The following MTERF3 variants were observed in gnomAD, a reference collection of about 807,000 sequenced individuals.
The protein encoded by MTERF3 is mitochondrial transcription termination factor 3, also known as transcription termination factor 3, mitochondrial.
A neutral mutation model predicts 40.5 loss-of-function variants in MTERF3; 40 were observed. That is an observed-to-expected ratio of 0.99 (90% CI 0.77 to 1.29). The LOEUF is 1.29. Ranked by LOEUF, MTERF3 falls within the 50% of genes most tolerant of loss-of-function variation. MTERF3 has a pLI of 0.00. For synonymous variants in MTERF3, 158 were observed against 166.6 expected, an observed-to-expected ratio of 0.95 and a Z score of 0.40; for missense variants, 452 against 478.2, an observed-to-expected ratio of 0.95 and a Z score of 0.51.
At chr8:96,256,915 T>C in intron 3 of MTERF3, 47 bp downstream of exon 3, 11 of 1,523,854 alleles carry the variant, frequency 7.2e-6, no homozygotes, top group Non-Finnish European at 9.7e-6. Context: ...GTAAAAAAAG[T>C]AATGAAGAGT....
chr8:96,250,340 T>C (rs1332926617), intron 4 of MTERF3, among the ~76,000 whole-genome samples: 2 of 145,536 alleles, frequency 1.4e-5, no homozygotes, highest in African/African-American at 2.5e-5. Flanking sequence ...TTTTTTTTTT[T>C]TTTAAGAAAA....
Position 96,258,509 on chromosome 8 carries a change from T to C in MTERF3, c.182A>G (p.Tyr61Cys), listed in dbSNP as rs759713117. ...ACTATTCCATAAGGAGGAAGTCCTGTAAGTCTTAAATCCCCACTGGAGAAA... is the reference window on the plus strand; with the variant it reads ...ACTATTCCATAAGGAGGAAGTCCTGCAAGTCTTAAATCCCCACTGGAGAAA... The part of the protein sequence containing the change: ...NCFLQWGFKT[Y>C]RTSSLWNSSQ... Residue 61 changes from tyrosine to cysteine, a missense_variant, in exon 2 of 8, where the codon TAC (tyrosine) becomes TGC (cysteine). Coordinates refer to ENST00000287025, the MANE Select transcript of MTERF3 (RefSeq NM_015942.5). The C allele has an allele frequency of 6.2e-7, 1 of 1,614,050 alleles. No homozygotes were observed. Among genetic ancestry groups the C allele is most frequent in the East Asian group, 2.2e-5 (1 of 44,884 alleles).
At chr8:96,254,176 G>A (rs1039102447) in intron 3 of MTERF3, among the ~76,000 whole-genome samples, 3 of 152,076 alleles carry the variant, frequency 2.0e-5, no homozygotes, top group African/African-American at 7.2e-5. Flanking sequence ...ATATGTTTAT[G>A]GGATACAACA....
intron 4 of MTERF3, among the ~76,000 whole-genome samples, chr8:96,246,978 ATTCTT>A (rs1331939325): frequency 1.3e-5 from 2 of 151,568 alleles, no homozygotes; most frequent in African/African-American, 4.8e-5. Context: ...CCCCTCTTCT[ATTCTT>A]TTCTTTTCAG....
intron 6 of MTERF3, among the ~76,000 whole-genome samples, chr8:96,244,876 G>T (rs1415245982): frequency 6.6e-6 from 1 of 152,172 alleles, no homozygotes. Flanking sequence ...TTACAAGAGG[G>T]AATGAGTGAC....
chr8:96,246,225 G>A (rs1810018048), intron 5 of MTERF3, 82 bp downstream of exon 5: 1 of 1,292,524 alleles, frequency 7.7e-7, no homozygotes, highest in Non-Finnish European at 1.1e-6. Context: ...ACATGGGCCA[G>A]GCATCTGCTG....
At chr8:96,239,761 AT>A in intron 7 of MTERF3, 76 bp from the exon 8 acceptor site, 8 of 1,092,250 alleles carry the variant, frequency 7.3e-6, no homozygotes, top group Non-Finnish European at 1.1e-5. Context: ...CTTGGCAAAA[AT>A]TTTAATAGGT....
At chr8:96,250,849 T>TATATTTCCTTC in intron 4 of MTERF3, 57 bp downstream of exon 4, 1 of 1,491,042 alleles carries the variant, frequency 6.7e-7, no homozygotes. Flanking sequence ...ACCTTCCACA[T>TATATTTCCTTC]ATATTTCCTT....
chr8:96,259,043 A>T (rs1164275043), intron 1 of MTERF3, among the ~76,000 whole-genome samples: 1 of 152,256 alleles, frequency 6.6e-6, no homozygotes, highest in Non-Finnish European at 1.5e-5. Context: ...CTAATCTGTT[A>T]ATTTAATCAT....
chr8:96,260,998 T>A (rs2129962902), intron 1 of MTERF3, among the ~76,000 whole-genome samples: 1 of 152,350 alleles, frequency 6.6e-6, no homozygotes, highest in South Asian at 2.1e-4. Context: ...GGTGGTAACC[T>A]GAAGTCTTCT....
At chr8:96,255,801 TATCTGAAAAC>T (rs568626591) in intron 3 of MTERF3, among the ~76,000 whole-genome samples, 100 of 152,214 alleles carry the variant, frequency 6.6e-4, no homozygotes, top group Middle Eastern at 3.4e-3. Flanking sequence ...TATCCCCACA[TATCTGAAAAC>T]ATCTGAAAAC....
chr8:96,251,615 G>C (rs914925138), intron 3 of MTERF3, among the ~76,000 whole-genome samples: 1 of 152,154 alleles, frequency 6.6e-6, no homozygotes, highest in Non-Finnish European at 1.5e-5. Context: ...TTAGCACGGA[G>C]ACACGTCCCT....
chr8:96,259,484 G>GT (rs1810341143), intron 1 of MTERF3, among the ~76,000 whole-genome samples: 1 of 152,168 alleles, frequency 6.6e-6, no homozygotes, highest in Non-Finnish European at 1.5e-5. Context: ...TGAAAAAGTA[G>GT]TTTTCAAAAA....
At chr8:96,246,948 A>G (rs184731695) in intron 4 of MTERF3, among the ~76,000 whole-genome samples, 225 of 151,982 alleles carry the variant, frequency 1.5e-3, no homozygotes, top group Non-Finnish European at 2.5e-3. Flanking sequence ...AGGTTAGTAT[A>G]TTTACTGAGC....
chr8:96,250,681 AAGGAGGAGGAGGAGGGG>A (rs1810157374), intron 4 of MTERF3, among the ~76,000 whole-genome samples: 1 of 23,292 alleles, frequency 4.3e-5, no homozygotes, highest in African/African-American at 1.8e-4. Context: ...GAAGAAGAAG[AAGGAGGAGGAGGAGGGG>A]GGGAGGGGGA....
intron 7 of MTERF3, 160 bp from the exon 8 acceptor site, chr8:96,239,845 C>T (rs1328843664): frequency 8.5e-6 from 6 of 707,138 alleles, no homozygotes; most frequent in African/African-American, 1.7e-5. Context: ...CCTATATTTT[C>T]TGTGAAGAAA....
chr8:96,258,529 G>A lies in MTERF3; in HGVS notation c.162C>T (p.Leu54=). ...QPQISSDNCF[L]QWGFKTYRTS... ...TCCTGTAAGTCTTAAATCCCCACTG[G>A]AGAAAGCAATTGTCAGAGGATATCT... The change falls in exon 2 of 8, where the codon CTC becomes CTT. Residue 54 remains leucine (L), a synonymous_variant. Transcript: ENST00000287025. The A allele has an allele frequency of 6.2e-7, 1 of 1,614,126 alleles. No homozygotes were observed.
chr8:96,244,134 A>G, intron 6 of MTERF3, 54 bp from the exon 7 acceptor site: 1 of 1,506,032 alleles, frequency 6.6e-7, no homozygotes, highest in East Asian at 2.3e-5. Flanking sequence ...TTATTTTGGT[A>G]CCATGGCAAG....
intron 4 of MTERF3, among the ~76,000 whole-genome samples, chr8:96,250,691 A>AGGAGGG (rs1810160647): frequency 4.1e-5 from 1 of 24,664 alleles, no homozygotes; most frequent in Non-Finnish European, 7.9e-5. Context: ...AAGGAGGAGG[A>AGGAGGG]GGAGGGGGGG....
Sources: gnomAD v4.1 joint callset for allele counts (sites outside exome capture counted in the v4.1 genomes callset) on GRCh38, gnomAD v4.1.1 for gene constraint, MANE v1.5 for transcripts, NCBI Gene and HGNC (gene_info 2026-07-23, HGNC 2026-07-21) for gene names.